NLGN4X: variants seen among roughly 807,000 people sequenced by gnomAD.
NLGN4X encodes the protein neuroligin-4, X-linked.
Under a neutral mutation model 40.3 loss-of-function variants are expected in NLGN4X, and 3 were observed. The ratio of observed to expected loss-of-function variants is 0.07; its 90% CI spans 0.03 to 0.19. The LOEUF (loss-of-function observed/expected upper bound fraction) is 0.19, where lower values mean the gene tolerates loss of function less well. NLGN4X is among the 10% of genes least tolerant of loss of function. The pLI, the probability that NLGN4X is intolerant of heterozygous loss-of-function variation, is 1.00. For missense variants in NLGN4X, 382 were observed against 708.3 expected (o/e 0.54, Z 5.23); for synonymous variants, 270 against 306.8 (o/e 0.88, Z 1.25).
intron 3 of NLGN4X, among the ~76,000 whole-genome samples, chrX:6,010,513 T>TTTTTTATTATTATTATTA (rs375723769): frequency 7.3e-5 from 7 of 95,389 alleles, no homozygotes; most frequent in South Asian, 1.0e-3. Context: ...TTCTTTTTAT[T>TTTTTTATTATTATTATTA]TTATTATTAT....
intron 1 of NLGN4X, among the ~76,000 whole-genome samples, chrX:6,224,997 TATATATATATATATACAC>T (rs1289628410): frequency 3.6e-4 from 19 of 53,367 alleles, no homozygotes; most frequent in Admixed American, 4.5e-4. Flanking sequence ...TATATATATA[TATATATATATATATACAC>T]ACACACACAC....
At chrX:5,945,753 C>T (rs1023966004) in intron 3 of NLGN4X, among the ~76,000 whole-genome samples, 3 of 110,810 alleles carry the variant, frequency 2.7e-5, no homozygotes, top group Non-Finnish European at 5.7e-5. Context: ...AGGGGAACAA[C>T]ACACACTGGG....
chrX:5,925,641 T>A (rs773669552), intron 3 of NLGN4X, among the ~76,000 whole-genome samples: 27 of 107,013 alleles, frequency 2.5e-4, no homozygotes, highest in Middle Eastern at 9.6e-3. Context: ...TAACAGAATG[T>A]TTCCTAATCA....
chrX:6,095,118 T>C (rs866332589), intron 2 of NLGN4X, among the ~76,000 whole-genome samples: 1 of 97,067 alleles, frequency 1.0e-5, no homozygotes, highest in African/African-American at 4.5e-5. Flanking sequence ...TGTGTGTGTG[T>C]GTGTGTGTGT....
chrX:5,979,784 G>GTGTATATATACACACATACATATATATT, intron 3 of NLGN4X, among the ~76,000 whole-genome samples: 1 of 98,309 alleles, frequency 1.0e-5, no homozygotes, highest in Non-Finnish European at 2.0e-5. Flanking sequence ...ACATATATAT[G>GTGTATATATACACACATACATATATATT]TGTATATATA....
In NLGN4X at chrX:5,892,615, T is replaced by C. The variant is rs2031237746; in HGVS notation, c.*202A>G. The stretch of plus-strand genomic sequence containing the variant: ...CATTTCACAGGGTCAGAAGTTGATC[T>C]TGTAATACTGGAAAACACCAACGAT... On this transcript the variant is annotated 3_prime_UTR_variant, in exon 6 of 6. Transcript: ENST00000381095. The C allele has an allele frequency of 6.3e-6, 3 of 476,481 alleles. No homozygotes were observed. The highest frequency in any genetic ancestry group is 1.0e-5 in the Non-Finnish European group (3 of 286,017). The allele number at this position is 476,481 out of a possible 1,213,427, so 39.3% of individuals were successfully genotyped here.
At chrX:5,950,469 T>C (rs1029532207) in intron 3 of NLGN4X, among the ~76,000 whole-genome samples, 4 of 112,222 alleles carry the variant, frequency 3.6e-5, no homozygotes, top group Non-Finnish European at 7.5e-5. Context: ...GCACATTACC[T>C]GTCTATGGGA....
At chrX:5,990,077 CCTCTCTCTCTCT>C (rs71839664) in intron 3 of NLGN4X, among the ~76,000 whole-genome samples, 12 of 83,692 alleles carry the variant, frequency 1.4e-4, no homozygotes, top group Admixed American at 2.8e-4. Context: ...TCTCTATTTT[CCTCTCTCTCTCT>C]CTCTCTCTCT....
intron 3 of NLGN4X, among the ~76,000 whole-genome samples, chrX:6,022,936 C>A (rs1354773863): frequency 1.8e-5 from 2 of 111,640 alleles, no homozygotes; most frequent in African/African-American, 6.5e-5. Flanking sequence ...TTATATCAAA[C>A]CATTTCTGTC....
rs374856213 is a variant in NLGN4X at position 6,097,852 on chromosome X, A to G, written c.472+53143T>C. On this transcript the variant is annotated intron_variant, in intron 2 of 5. Transcript: ENST00000381095. ...AATCATGGCCCTTTACAGCTACAAC[A>G]TTAAGAATTAACATCTAGCATTTCA... 3.1e-4 allele frequency among the ~76,000 whole-genome samples: 35 copies of G among 111,767 alleles called. No individual in the cohort carries two copies. The South Asian group carries it at 4.1e-3, about 13-fold the overall frequency.
At chrX:6,127,242 C>A in intron 2 of NLGN4X, among the ~76,000 whole-genome samples, 2 of 112,027 alleles carry the variant, frequency 1.8e-5, no homozygotes. Flanking sequence ...TATCCTGTCC[C>A]CATCTTAATT....
At chrX:5,954,838 T>G (rs1158968236) in intron 3 of NLGN4X, among the ~76,000 whole-genome samples, 1 of 111,113 alleles carries the variant, frequency 9.0e-6, no homozygotes, top group African/African-American at 3.3e-5. Context: ...GACATTCACA[T>G]GTTTCTATGA....
chrX:5,910,893 G>T (rs184310806), intron 3 of NLGN4X, among the ~76,000 whole-genome samples: 73 of 111,673 alleles, frequency 6.5e-4, no homozygotes, highest in African/African-American at 2.3e-3. Flanking sequence ...AGTTCAGAGG[G>T]ATGTGACGGG....
At chrX:5,915,952 T>C (rs1167031758) in intron 3 of NLGN4X, among the ~76,000 whole-genome samples, 1 of 111,980 alleles carries the variant, frequency 8.9e-6, no homozygotes, top group African/African-American at 3.2e-5. Context: ...TCAAAGAGCT[T>C]GTACATCTTG....
chrX:5,969,939 C>T (rs1168067972), intron 3 of NLGN4X, among the ~76,000 whole-genome samples: 6 of 103,067 alleles, frequency 5.8e-5, no homozygotes, highest in Non-Finnish European at 1.2e-4. Context: ...AACCAAACAC[C>T]GCATGTTCTC....
chrX:6,044,630 C>T (rs1004322792), intron 2 of NLGN4X, among the ~76,000 whole-genome samples: 3 of 110,941 alleles, frequency 2.7e-5, no homozygotes, highest in African/African-American at 9.9e-5. Context: ...TACACCACCA[C>T]CAAGACTGTA....
chrX:6,122,788 T>C (rs2039454060), intron 2 of NLGN4X, among the ~76,000 whole-genome samples: 1 of 95,819 alleles, frequency 1.0e-5, no homozygotes, highest in African/African-American at 3.8e-5. Context: ...GAACAAAGGG[T>C]TTCAAAGGAA....
At chrX:6,165,005 C>G (rs1569275949) in intron 1 of NLGN4X, among the ~76,000 whole-genome samples, 1 of 111,337 alleles carries the variant, frequency 9.0e-6, no homozygotes, top group Non-Finnish European at 1.9e-5. Flanking sequence ...TGACACTGTA[C>G]AAGCTCCCAG....
At chrX:6,107,784 T>C (rs1375211489) in intron 2 of NLGN4X, among the ~76,000 whole-genome samples, 1 of 112,065 alleles carries the variant, frequency 8.9e-6, no homozygotes, top group Non-Finnish European at 1.9e-5. Flanking sequence ...CTCCCAGTTA[T>C]AAGTGACAAC....
Sources: gnomAD v4.1 joint callset for allele counts (sites outside exome capture counted in the v4.1 genomes callset) on GRCh38, gnomAD v4.1.1 for gene constraint, MANE v1.5 for transcripts, NCBI Gene and HGNC (gene_info 2026-07-23, HGNC 2026-07-21) for gene names.